The following SPHKAP variants were observed in gnomAD, a reference collection of about 807,000 sequenced individuals.
The protein encoded by SPHKAP is A-kinase anchor protein SPHKAP.
In SPHKAP, 67 loss-of-function variants were observed where a neutral mutation model predicts 137.5. The observed-to-expected ratio is 0.49, with a 90% confidence interval of 0.40 to 0.60. The LOEUF is 0.60. Among genes scored for constraint, SPHKAP ranks in the 20% least tolerant of loss-of-function variants. The probability of loss-of-function intolerance (pLI) is 0.00; values close to 1 mark genes in which losing one functional copy is unlikely to be tolerated. For missense variants in SPHKAP, 2,097 were observed against 2,069.3 expected (o/e 1.01, Z -0.26); for synonymous variants, 813 against 785.3 (o/e 1.04, Z -0.59).
rs778544353 is a variant in SPHKAP at position 228,017,071 on chromosome 2, A to G, written c.3783T>C (p.Asp1261=). The G allele has an allele frequency of 6.2e-7, 1 of 1,614,140 alleles. No homozygotes were observed. Among genetic ancestry groups the G allele is most frequent in the Non-Finnish European group, 8.5e-7 (1 of 1,180,024 alleles). The change falls in exon 7 of 12, where the codon GAT becomes GAC. Residue 1261 remains aspartate (D), a synonymous_variant. Coordinates refer to ENST00000392056, the MANE Select transcript of SPHKAP (RefSeq NM_001142644.2). ...CTTGTGGGCAGTTCTGAGCAAAGCC[A>G]TCTAAAGAGTTGGCTTTGATGGGCA... ...VNVPIKANSL[D]GFAQNCPQDF... is the part of the protein sequence containing the mutation.
At position 228,016,561 on chromosome 2, in the gene SPHKAP, A is replaced by G. The variant is rs952364970; in HGVS notation, c.4293T>C (p.Ile1431=). Residue 1431 remains isoleucine (I), a synonymous_variant, in exon 7 of 12, where the codon ATT becomes ATC. Coordinates refer to ENST00000392056, the MANE Select transcript of SPHKAP (RefSeq NM_001142644.2). ...LCSREVPLIQ[I]ETDQREACAG... ...CACAGGCTTCTCTCTGATCTGTTTC[A>G]ATCTGAATCAAAGGCACTTCCCTCG... 6.2e-7 allele frequency: 1 copy of G among 1,614,046 alleles called. No individual in the cohort carries two copies. Among genetic ancestry groups the G allele is most frequent in the East Asian group, 2.2e-5 (1 of 44,874 alleles).
chr2:228,080,750 A>G (rs1559162724), intron 3 of SPHKAP, among the ~76,000 whole-genome samples: 7 of 48,420 alleles, frequency 1.4e-4, no homozygotes, highest in African/African-American at 5.1e-4. Context: ...AATAAAATAA[A>G]ATAAAATAAA....
At chr2:227,993,697 G>A (rs1457658194) in intron 8 of SPHKAP, 77 bp from the exon 9 acceptor site, 7 of 1,287,156 alleles carry the variant, frequency 5.4e-6, no homozygotes, top group Non-Finnish European at 7.7e-6. Context: ...TTCCATTGTT[G>A]TACAAGCTCC....
At chr2:228,078,940 G>A (rs1697270919) in intron 3 of SPHKAP, among the ~76,000 whole-genome samples, 1 of 152,078 alleles carries the variant, frequency 6.6e-6, no homozygotes, top group African/African-American at 2.4e-5. Flanking sequence ...CCAGAACCTG[G>A]CAGGATCCCC....
At chr2:227,999,347 A>T (rs1693760858) in intron 7 of SPHKAP, among the ~76,000 whole-genome samples, 1 of 152,210 alleles carries the variant, frequency 6.6e-6, no homozygotes, top group Non-Finnish European at 1.5e-5. Context: ...AGAATGGTGC[A>T]GCCAAAGAGG....
intron 7 of SPHKAP, among the ~76,000 whole-genome samples, chr2:228,001,338 A>AAT: frequency 7.0e-6 from 1 of 142,998 alleles, no homozygotes; most frequent in East Asian, 2.0e-4. Context: ...TACATATATA[A>AAT]ATATATATAC....
intron 3 of SPHKAP, among the ~76,000 whole-genome samples, chr2:228,039,057 A>G (rs1368516124): frequency 6.6e-6 from 1 of 152,156 alleles, no homozygotes; most frequent in African/African-American, 2.4e-5. Context: ...GGTAATAAAG[A>G]CCCATAAAAG....
chr2:228,100,647 T>A lies in SPHKAP; in HGVS notation c.246+8185A>T, dbSNP rs546999080. On this transcript the variant is annotated intron_variant, in intron 3 of 11. Coordinates refer to ENST00000392056, the MANE Select transcript of SPHKAP (RefSeq NM_001142644.2). ...CTGTTTATGTGGTGAATCACATTAA[T>A]TGATTTGTATATGTTCCACCAGCCC... Among the ~76,000 whole-genome samples the A allele has an allele frequency of 5.3e-5, 8 of 152,322 alleles. No homozygotes were observed. In the South Asian group the frequency reaches 1.7e-3, roughly 32 times the overall value.
intron 11 of SPHKAP, among the ~76,000 whole-genome samples, chr2:227,985,768 GATTA>G (rs1470443513): frequency 3.3e-5 from 5 of 152,176 alleles, no homozygotes; most frequent in Admixed American, 6.5e-5. Context: ...TAATAAATTA[GATTA>G]ATTGTTTACA....
At chr2:228,020,219 G>C in intron 6 of SPHKAP, 63 bp from the exon 7 acceptor site, 1 of 1,514,010 alleles carries the variant, frequency 6.6e-7, no homozygotes, top group South Asian at 1.3e-5. Flanking sequence ...TAAGTCTTAA[G>C]TAATAATTAC....
chr2:228,176,330 T>G (rs2106434958), intron 1 of SPHKAP, among the ~76,000 whole-genome samples: 1 of 152,338 alleles, frequency 6.6e-6, no homozygotes, highest in South Asian at 2.1e-4. Context: ...ACCCACCTCT[T>G]TCAAGAGAGT....
In SPHKAP at chr2:228,078,242, G is replaced by C. The variant is rs538207087; in HGVS notation, c.246+30590C>G. Among the ~76,000 whole-genome samples the C allele has an allele frequency of 1.4e-3, 210 of 152,280 alleles. 2 individuals are homozygous for C. The highest frequency in any genetic ancestry group is 5.0e-3 in the African/African-American group (206 of 41,558). On this transcript the variant is annotated intron_variant, in intron 3 of 11. Coordinates refer to ENST00000392056, the MANE Select transcript of SPHKAP (RefSeq NM_001142644.2). Reference sequence around the variant, plus strand: ...TGTAAGTGAAGTACTTCAAACACTTGATGCAAAAAGGACCTGAGAGATTCC... The same window carrying C: ...TGTAAGTGAAGTACTTCAAACACTTCATGCAAAAAGGACCTGAGAGATTCC...
intron 3 of SPHKAP, among the ~76,000 whole-genome samples, chr2:228,095,982 G>T (rs1242978671): frequency 6.6e-6 from 1 of 152,160 alleles, no homozygotes. Context: ...TTAAAAATTT[G>T]GTGTGTCTCT....
rs532167185 is a variant in SPHKAP at position 228,173,315 on chromosome 2, T to C, written c.32+8252A>G. Among the ~76,000 whole-genome samples the C allele has an allele frequency of 2.4e-3, 358 of 152,330 alleles. 3 individuals are homozygous for C. Among genetic ancestry groups the C allele is most frequent in the African/African-American group, 8.5e-3 (352 of 41,586 alleles). On this transcript the variant is annotated intron_variant, in intron 1 of 11. Coordinates refer to ENST00000392056, the MANE Select transcript of SPHKAP (RefSeq NM_001142644.2). ...GCCTATGGTAGACTGAATAATTAAC[T>C]CCCTCAAAGATATCCATATCTTAAT...
At chr2:228,043,542 G>T (rs1695927236) in intron 3 of SPHKAP, among the ~76,000 whole-genome samples, 1 of 152,170 alleles carries the variant, frequency 6.6e-6, no homozygotes, top group Non-Finnish European at 1.5e-5. Flanking sequence ...GGTCAGGCTA[G>T]TCTTGAACTC....
intron 7 of SPHKAP, among the ~76,000 whole-genome samples, chr2:227,997,254 G>A (rs1693672005): frequency 2.6e-5 from 4 of 152,136 alleles, no homozygotes; most frequent in Admixed American, 2.6e-4. Flanking sequence ...ACTATCTACT[G>A]TTTTTCAAAA....
intron 3 of SPHKAP, among the ~76,000 whole-genome samples, chr2:228,061,736 T>TATACAC (rs1553536204): frequency 0.011 from 1,614 of 151,570 alleles, 29 homozygotes; most frequent in African/African-American, 0.037. Flanking sequence ...AATATATATA[T>TATACAC]ACACACACAC....
At chr2:228,043,709 T>G (rs2106261985) in intron 3 of SPHKAP, among the ~76,000 whole-genome samples, 2 of 152,306 alleles carry the variant, frequency 1.3e-5, no homozygotes, top group East Asian at 3.9e-4. Flanking sequence ...ACAACCTAAC[T>G]TTGACTATGG....
chr2:228,180,322 G>C (rs552625031), intron 1 of SPHKAP, among the ~76,000 whole-genome samples: 68 of 152,248 alleles, frequency 4.5e-4, no homozygotes, highest in African/African-American at 1.5e-3. Context: ...AAATAATTCA[G>C]GTCTCTAGAT....
Sources: gnomAD v4.1 joint callset for allele counts (sites outside exome capture counted in the v4.1 genomes callset) on GRCh38, gnomAD v4.1.1 for gene constraint, MANE v1.5 for transcripts, NCBI Gene and HGNC (gene_info 2026-07-23, HGNC 2026-07-21) for gene names.